Variants in BFAR observed in about 807,000 individuals in gnomAD.
BFAR encodes bifunctional apoptosis regulator, also known as RING finger protein 47.
In BFAR, 52 loss-of-function variants were observed where a neutral mutation model predicts 54.4. The ratio of observed to expected loss-of-function variants is 0.96; its 90% CI spans 0.77 to 1.21. BFAR has a LOEUF of 1.21. Among genes scored for constraint, BFAR ranks in the 50% most tolerant of loss-of-function variants. The probability of loss-of-function intolerance (pLI) is 0.00; values close to 1 mark genes in which losing one functional copy is unlikely to be tolerated. For missense variants in BFAR, 571 were observed against 534.0 expected (o/e 1.07, Z -0.68); for synonymous variants, 215 against 204.3 (o/e 1.05, Z -0.45).
At chr16:14,663,522 G>A (rs1476837690) in intron 6 of BFAR, among the ~76,000 whole-genome samples, 1 of 151,526 alleles carries the variant, frequency 6.6e-6, no homozygotes, top group Non-Finnish European at 1.5e-5. Context: ...TAGTAGAGAT[G>A]GGGTTTCACT....
intron 5 of BFAR, among the ~76,000 whole-genome samples, chr16:14,657,500 G>A (rs1016812997): frequency 5.9e-5 from 9 of 151,468 alleles, no homozygotes; most frequent in Non-Finnish European, 5.9e-5. Context: ...CGCCTGCCTC[G>A]GCCTCCCAAA....
intron 6 of BFAR, 141 bp downstream of exon 6, chr16:14,662,206 AT>A: frequency 1.0e-6 from 1 of 1,002,624 alleles, no homozygotes; most frequent in Non-Finnish European, 1.5e-6. Context: ...TGAGAGTAAT[AT>A]CCTTTGCTTT....
intron 5 of BFAR, among the ~76,000 whole-genome samples, chr16:14,661,450 G>T (rs1960285469): frequency 8.3e-6 from 1 of 120,454 alleles, no homozygotes; most frequent in Non-Finnish European, 1.6e-5. Flanking sequence ...TGCATAGGCT[G>T]GAGTGCAGTG....
chr16:14,665,251 G>T (rs2151845556), intron 7 of BFAR, 180 bp downstream of exon 7: 1 of 626,262 alleles, frequency 1.6e-6, no homozygotes, highest in East Asian at 2.8e-5. Flanking sequence ...TTTTGGGGGT[G>T]GGGGTTGTGG....
chr16:14,663,987 A>G (rs1960365092), intron 6 of BFAR, among the ~76,000 whole-genome samples: 1 of 152,054 alleles, frequency 6.6e-6, no homozygotes. Flanking sequence ...CACTCCTATA[A>G]TCCAAGCACT....
chr16:14,663,166 C>T (rs1960340218), intron 6 of BFAR, among the ~76,000 whole-genome samples: 1 of 152,198 alleles, frequency 6.6e-6, no homozygotes, highest in African/African-American at 2.4e-5. Flanking sequence ...GTTTTTACTT[C>T]TTTCTTTGGA....
chr16:14,662,101 ACT>A (rs761365051), intron 6 of BFAR, 36 bp downstream of exon 6: 1 of 1,609,818 alleles, frequency 6.2e-7, no homozygotes, highest in South Asian at 1.1e-5. Context: ...AAGTTATTCC[ACT>A]GTCAAGTTAT....
intron 6 of BFAR, among the ~76,000 whole-genome samples, chr16:14,664,081 A>G (rs1960368283): frequency 6.6e-6 from 1 of 152,106 alleles, no homozygotes; most frequent in Non-Finnish European, 1.5e-5. Context: ...CGTCTCTACT[A>G]AAAATACAAA....
intron 3 of BFAR, 64 bp downstream of exon 3, chr16:14,648,656 C>T: frequency 1.7e-6 from 2 of 1,161,196 alleles, no homozygotes; most frequent in Non-Finnish European, 2.5e-6. Flanking sequence ...CTGATTTCCA[C>T]TGAAGTCAGT....
At chr16:14,659,399 A>G (rs1386525336) in intron 5 of BFAR, among the ~76,000 whole-genome samples, 5 of 148,822 alleles carry the variant, frequency 3.4e-5, no homozygotes, top group Non-Finnish European at 7.4e-5. Context: ...CCACCACCAC[A>G]CCGGCTAATT....
At chr16:14,647,948 A>G (rs1481927509) in intron 2 of BFAR, among the ~76,000 whole-genome samples, 1 of 152,170 alleles carries the variant, frequency 6.6e-6, no homozygotes, top group African/African-American at 2.4e-5. Flanking sequence ...TACCATTGAA[A>G]GTAATGGTAG....
chr16:14,646,156 G>C (rs373832006), intron 2 of BFAR, among the ~76,000 whole-genome samples: 160 of 152,176 alleles, frequency 1.1e-3, no homozygotes, highest in African/African-American at 3.5e-3. Flanking sequence ...GGTTCAAGCA[G>C]TTTTCTCCTG....
chr16:14,639,534 C>T (rs988163241), intron 1 of BFAR, among the ~76,000 whole-genome samples: 1 of 152,104 alleles, frequency 6.6e-6, no homozygotes, highest in Admixed American at 6.6e-5. Context: ...TCTCGAATTC[C>T]TAACCTCAGG....
chr16:14,650,292 T>C, intron 4 of BFAR: 1 of 214,322 alleles, frequency 4.7e-6, no homozygotes, highest in Non-Finnish European at 9.2e-6. Flanking sequence ...ATCATGCCAC[T>C]GCACTCCAGC....
chr16:14,663,417 C>T (rs1960349166), intron 6 of BFAR, among the ~76,000 whole-genome samples: 1 of 152,054 alleles, frequency 6.6e-6, no homozygotes, highest in African/African-American at 2.4e-5. Context: ...CTGCAACCTC[C>T]ATCTCCCGGG....
At chr16:14,654,493 C>CTTTTTTTTTTTT (rs55673619) in intron 4 of BFAR, among the ~76,000 whole-genome samples, 1 of 89,138 alleles carries the variant, frequency 1.1e-5, no homozygotes, top group Non-Finnish European at 2.1e-5. Context: ...GTGAGTTTTC[C>CTTTTTTTTTTTT]TTTTTTTTTT....
rs72789518 is a variant in BFAR at position 14,668,001 on chromosome 16, C to T, written c.*174C>T. ...TCTCCCCCTCAGCCTGTGGGTGGCACGAGCAAGGACTGACATCCGCACAGG... is the reference window on the plus strand; with the variant it reads ...TCTCCCCCTCAGCCTGTGGGTGGCATGAGCAAGGACTGACATCCGCACAGG... On this transcript the variant is annotated 3_prime_UTR_variant, in exon 8 of 8. Coordinates refer to ENST00000261658, the MANE Select transcript of BFAR (RefSeq NM_016561.3). 0.058 allele frequency: 37,739 copies of T among 653,472 alleles called. 1,470 individuals carry two copies. Among genetic ancestry groups the T allele is most frequent in the Admixed American group, 0.13 (4,426 of 33,962 alleles). The allele number at this position is 653,472 out of a possible 1,614,324, so 40.5% of individuals were successfully genotyped here.
At chr16:14,646,115 G>A (rs1959787182) in intron 2 of BFAR, among the ~76,000 whole-genome samples, 1 of 151,996 alleles carries the variant, frequency 6.6e-6, no homozygotes, top group Non-Finnish European at 1.5e-5. Flanking sequence ...GCAATGGCGT[G>A]ATCTCGACTT....
At chr16:14,643,892 T>C (rs967140902) in intron 1 of BFAR, 1 of 146,850 alleles carries the variant, frequency 6.8e-6, no homozygotes, top group Non-Finnish European at 1.5e-5. Context: ...CTGGGCACAG[T>C]GGCTCATGCC....
Sources: allele counts gnomAD v4.1 joint callset (sites outside exome capture counted in the v4.1 genomes callset), GRCh38; gene constraint gnomAD v4.1.1; transcripts MANE v1.5; gene names NCBI Gene and HGNC (gene_info 2026-07-23, HGNC 2026-07-21).